Variants in EPB41L5 observed in about 807,000 individuals in gnomAD.
EPB41L5 encodes the protein erythrocyte membrane protein band 4.1 like 5.
Under a neutral mutation model 106.6 loss-of-function variants are expected in EPB41L5, and 55 were observed. That is an observed-to-expected ratio of 0.52 (90% CI 0.42 to 0.65). The LOEUF is 0.65. EPB41L5 is among the 30% of genes least tolerant of loss of function. The pLI, the probability that EPB41L5 is intolerant of heterozygous loss-of-function variation, is 0.00. For missense variants in EPB41L5, 871 were observed against 882.1 expected (o/e 0.99, Z 0.16); for synonymous variants, 297 against 306.7 (o/e 0.97, Z 0.33).
At chr2:120,034,517 A>C (rs191514417) in intron 2 of EPB41L5, among the ~76,000 whole-genome samples, 9 of 152,298 alleles carry the variant, frequency 5.9e-5, no homozygotes, top group African/African-American at 2.2e-4. Context: ...TTTGTAGTGT[A>C]GAATAAAAAT....
intron 2 of EPB41L5, among the ~76,000 whole-genome samples, chr2:120,035,252 T>TA (rs1422915917): frequency 6.6e-6 from 1 of 152,114 alleles, no homozygotes. Context: ...AAGATTCTTC[T>TA]AAAAAAATTT....
chr2:120,130,804 T>C (rs1005625483), intron 17 of EPB41L5, among the ~76,000 whole-genome samples: 51 of 152,336 alleles, frequency 3.3e-4, no homozygotes, highest in African/African-American at 1.2e-3. Flanking sequence ...ACTCAGTTAA[T>C]TGATGGCCAC....
chr2:120,110,617 C>T (rs1019384149), intron 16 of EPB41L5, among the ~76,000 whole-genome samples: 14 of 151,750 alleles, frequency 9.2e-5, no homozygotes, highest in South Asian at 2.1e-4. Flanking sequence ...CCCACACCCT[C>T]CTGCCCTACC....
intron 10 of EPB41L5, among the ~76,000 whole-genome samples, chr2:120,085,150 G>A (rs1389124115): frequency 6.6e-6 from 1 of 152,152 alleles, no homozygotes. Context: ...GTCCAGCTTT[G>A]TTCCATTGCT....
At chr2:120,049,989 G>T (rs535359513) in intron 3 of EPB41L5, among the ~76,000 whole-genome samples, 1 of 152,056 alleles carries the variant, frequency 6.6e-6, no homozygotes, top group African/African-American at 2.4e-5. Context: ...TTGAATATTG[G>T]CCCCCACTGT....
intron 3 of EPB41L5, among the ~76,000 whole-genome samples, chr2:120,063,684 G>A (rs1232572854): frequency 6.6e-6 from 1 of 152,076 alleles, no homozygotes; most frequent in African/African-American, 2.4e-5. Flanking sequence ...AGTGGCTCAC[G>A]CCTGTAATCC....
chr2:120,110,668 A>G (rs1407122487), intron 16 of EPB41L5, among the ~76,000 whole-genome samples: 3 of 130,416 alleles, frequency 2.3e-5, no homozygotes, highest in African/African-American at 9.0e-5. Flanking sequence ...ACCAAGTCTC[A>G]CTCTTGCCGA....
chr2:120,174,865 A>T lies in EPB41L5; in HGVS notation c.2160A>T (p.Glu720Asp). ...VTSSGPILAE[E>D]AVLKQKCLLT... ...GCTCTGGTCCCATTTTGGCAGAAGA[A>T]GCTGTCCTGAAGCAGAAGTGTTTAC... Residue 720 changes from glutamate (E) to aspartate (D), a missense_variant, in exon 25 of 25, where the codon GAA (glutamate) becomes GAT (aspartate). Coordinates refer to ENST00000263713, the MANE Select transcript of EPB41L5 (RefSeq NM_020909.4). 2 of 1,614,172 alleles carry T rather than the reference A, an allele frequency of 1.2e-6. No individual in the cohort carries two copies. Among genetic ancestry groups the T allele is most frequent in the Non-Finnish European group, 1.7e-6 (2 of 1,180,022 alleles).
chr2:120,149,892 C>CT (rs34014223), intron 20 of EPB41L5, among the ~76,000 whole-genome samples: 19,305 of 110,896 alleles, frequency 0.17, 2,286 homozygotes, highest in East Asian at 0.46. Flanking sequence ...TTTCACTGTA[C>CT]TTTTTTTTTT....
At chr2:120,130,579 T>A (rs1309480186) in intron 17 of EPB41L5, among the ~76,000 whole-genome samples, 1 of 152,190 alleles carries the variant, frequency 6.6e-6, no homozygotes. Context: ...AGATGGCAAT[T>A]AAGTAAATGG....
intron 11 of EPB41L5, 50 bp downstream of exon 11, chr2:120,087,290 G>T (rs774245979): frequency 9.0e-7 from 1 of 1,113,994 alleles, no homozygotes; most frequent in Non-Finnish European, 1.3e-6. Flanking sequence ...ACTGTATTAT[G>T]TGGTAACTTA....
Position 120,131,659 on chromosome 2 carries a change from G to A in EPB41L5, c.1543G>A (p.Glu515Lys), listed in dbSNP as rs1236113541. 17 of 1,613,738 alleles carry A rather than the reference G, an allele frequency of 1.1e-5. No homozygotes were observed. The highest frequency in any genetic ancestry group is 1.4e-5 in the Non-Finnish European group (16 of 1,179,908). Reference sequence around the variant, plus strand: ...AGAGAAGCTCAAACAGCTTGAGATGGAGAACAGTCCTTTGCTGTCCCCTCG... The same window carrying A: ...AGAGAAGCTCAAACAGCTTGAGATGAAGAACAGTCCTTTGCTGTCCCCTCG... ...TSEKLKQLEM[E>K]NSPLLSPRSN... The change falls in exon 18 of 25, where the codon GAG (glutamate) becomes AAG (lysine). Residue 515 changes from glutamate to lysine, a missense_variant. Physicochemically the swap from Glu to Lys is moderately conservative, Grantham distance 56. Coordinates refer to ENST00000263713, the MANE Select transcript of EPB41L5 (RefSeq NM_020909.4).
chr2:120,165,064 C>T (rs1338564959), intron 22 of EPB41L5, among the ~76,000 whole-genome samples, 154 bp downstream of exon 22: 1 of 152,156 alleles, frequency 6.6e-6, no homozygotes, highest in African/African-American at 2.4e-5. Context: ...GCCTCTCTGT[C>T]CTAAAATTTT....
intron 20 of EPB41L5, among the ~76,000 whole-genome samples, chr2:120,159,995 G>A (rs568367241): frequency 2.6e-5 from 4 of 152,296 alleles, no homozygotes; most frequent in South Asian, 4.1e-4. Flanking sequence ...CAAATACTGC[G>A]TAAAGTGGGA....
intron 18 of EPB41L5, among the ~76,000 whole-genome samples, chr2:120,136,939 C>T (rs576963512): frequency 3.3e-5 from 5 of 151,988 alleles, no homozygotes; most frequent in East Asian, 3.9e-4. Flanking sequence ...TTGTCCTCAG[C>T]GCACAGATTA....
intron 2 of EPB41L5, among the ~76,000 whole-genome samples, chr2:120,038,830 C>T (rs1679207388): frequency 6.6e-6 from 1 of 152,098 alleles, no homozygotes; most frequent in South Asian, 2.1e-4. Context: ...TAGGTGTATA[C>T]CAGGAAGAGT....
chr2:120,032,549 G>A (rs1391426901), intron 2 of EPB41L5, among the ~76,000 whole-genome samples: 1 of 152,154 alleles, frequency 6.6e-6, no homozygotes, highest in Non-Finnish European at 1.5e-5. Flanking sequence ...CTGTGTGGCA[G>A]TTTTAGGCAG....
At chr2:120,100,601 A>C (rs1202089144) in intron 15 of EPB41L5, 98 bp from the exon 16 acceptor site, 11 of 852,988 alleles carry the variant, frequency 1.3e-5, no homozygotes, top group Admixed American at 4.0e-5. Flanking sequence ...ATACATTTTA[A>C]TTGTTGGCTT....
chr2:120,087,987 T>G (rs1169447635), intron 11 of EPB41L5, among the ~76,000 whole-genome samples: 1 of 152,208 alleles, frequency 6.6e-6, no homozygotes, highest in Non-Finnish European at 1.5e-5. Context: ...ATCTGATACT[T>G]TAGAAAAGGC....
Sources: allele counts gnomAD v4.1 joint callset (sites outside exome capture counted in the v4.1 genomes callset), GRCh38; gene constraint gnomAD v4.1.1; transcripts MANE v1.5; gene names NCBI Gene and HGNC (gene_info 2026-07-23, HGNC 2026-07-21).